GOLIM4: variants seen among roughly 807,000 people sequenced by gnomAD.
GOLIM4 encodes 130 kDa golgi-localized phosphoprotein.
GOLIM4 carries 71 observed loss-of-function variants against 107.4 expected under a neutral mutation model. That is an observed-to-expected ratio of 0.66 (90% CI 0.55 to 0.81). The LOEUF is 0.81. GOLIM4 is among the 30% of genes least tolerant of loss of function. The pLI, the probability that GOLIM4 is intolerant of heterozygous loss-of-function variation, is 0.00. For missense variants in GOLIM4, 830 were observed against 826.1 expected, an observed-to-expected ratio of 1.00 and a Z score of -0.06; for synonymous variants, 327 against 294.8, an observed-to-expected ratio of 1.11 and a Z score of -1.12.
At position 168,095,501 on chromosome 3, in the gene GOLIM4, A is replaced by C. The variant is rs1258231784; in HGVS notation, c.-216T>G. 5.8e-6 allele frequency: 3 copies of C among 515,170 alleles called. No individual in the cohort carries two copies. The highest frequency in any genetic ancestry group is 6.8e-6 in the Non-Finnish European group (2 of 294,156). 31.9% of individuals were successfully genotyped at this position (515,170 alleles called of 1,614,324 possible). On this transcript the variant is annotated 5_prime_UTR_variant, in exon 1 of 16. Transcript: ENST00000470487. ...CGACGCCGCCCGGGCAGCTGCAGCC[A>C]AACTTCTGCGAGGCTCGTTCTCCGC...
intron 1 of GOLIM4, among the ~76,000 whole-genome samples, chr3:168,065,882 TA>T (rs1720520528): frequency 6.6e-6 from 1 of 152,242 alleles, no homozygotes; most frequent in Non-Finnish European, 1.5e-5. Flanking sequence ...TCATAACTAA[TA>T]TTTCATCATT....
chr3:168,025,798 C>G (rs574823248), intron 12 of GOLIM4, among the ~76,000 whole-genome samples: 35 of 152,320 alleles, frequency 2.3e-4, no homozygotes, highest in African/African-American at 8.2e-4. Context: ...ACTCATCTCC[C>G]AAATTACTGT....
rs181468386 is a variant in GOLIM4 at position 168,067,876 on chromosome 3, T to C, written c.188-19511A>G. ...AAGAACAACAACCCTGTATTATCGA[T>C]ATGCAAAATATACCTGATATTTATT... is the stretch of plus-strand genomic sequence containing the variant. On this transcript the variant is annotated intron_variant, in intron 1 of 15. Coordinates refer to ENST00000470487, the MANE Select transcript of GOLIM4 (RefSeq NM_014498.5). Among the ~76,000 whole-genome samples, 608 of 152,030 alleles carry C rather than the reference T, an allele frequency of 4.0e-3. 5 individuals carry two copies. Among genetic ancestry groups the C allele is most frequent in the Non-Finnish European group, 3.3e-3 (226 of 67,972 alleles).
At chr3:168,071,721 G>A (rs1459134525) in intron 1 of GOLIM4, among the ~76,000 whole-genome samples, 1 of 151,572 alleles carries the variant, frequency 6.6e-6, no homozygotes, top group East Asian at 1.9e-4. Flanking sequence ...CACAAGGGTG[G>A]GTAACTTGAG....
intron 1 of GOLIM4, among the ~76,000 whole-genome samples, chr3:168,084,703 G>T (rs1192194546): frequency 6.6e-6 from 1 of 152,148 alleles, no homozygotes; most frequent in East Asian, 1.9e-4. Context: ...TTGAAATGGG[G>T]TGCTGTCATA....
chr3:168,021,285 T>G (rs1435327477), intron 14 of GOLIM4, among the ~76,000 whole-genome samples: 5 of 152,144 alleles, frequency 3.3e-5, no homozygotes, highest in African/African-American at 9.7e-5. Flanking sequence ...TCCAAAGAGA[T>G]AGATAGAATG....
chr3:168,086,331 T>C (rs775790180), intron 1 of GOLIM4, among the ~76,000 whole-genome samples: 1 of 152,172 alleles, frequency 6.6e-6, no homozygotes, highest in Non-Finnish European at 1.5e-5. Context: ...TTATAATATT[T>C]ATTTGACAGC....
At chr3:168,025,534 T>C (rs994018923) in intron 12 of GOLIM4, among the ~76,000 whole-genome samples, 1 of 152,160 alleles carries the variant, frequency 6.6e-6, no homozygotes, top group African/African-American at 2.4e-5. Flanking sequence ...ATTTTTAACA[T>C]GTCAGCAGGT....
At chr3:168,053,089 C>A (rs184502325) in intron 1 of GOLIM4, among the ~76,000 whole-genome samples, 54 of 152,264 alleles carry the variant, frequency 3.5e-4, no homozygotes, top group Non-Finnish European at 5.4e-4. Context: ...TCTATTCCCC[C>A]CAAAAGCACT....
At chr3:168,014,624 G>A (rs1717257762) in intron 14 of GOLIM4, among the ~76,000 whole-genome samples, 1 of 137,504 alleles carries the variant, frequency 7.3e-6, no homozygotes, top group African/African-American at 3.5e-5. Context: ...GATGAACATT[G>A]ATGCAAAAAT....
intron 1 of GOLIM4, among the ~76,000 whole-genome samples, chr3:168,078,091 C>T (rs1020219713): frequency 1.3e-5 from 2 of 151,962 alleles, no homozygotes; most frequent in African/African-American, 4.8e-5. Flanking sequence ...CTAGGTACAA[C>T]TTACTACTTT....
intron 1 of GOLIM4, among the ~76,000 whole-genome samples, chr3:168,054,891 A>G (rs536616611): frequency 6.6e-6 from 1 of 152,170 alleles, no homozygotes; most frequent in Non-Finnish European, 1.5e-5. Context: ...TTCTCATGAG[A>G]GTGAATAAGT....
In GOLIM4 at chr3:168,009,071, T is replaced by A. The variant is rs190622371; in HGVS notation, c.*1198A>T. The A allele has an allele frequency of 2.1e-4, 32 of 152,192 alleles. No homozygotes were observed. The highest frequency in any genetic ancestry group is 4.0e-4 in the Non-Finnish European group (27 of 67,976). The allele number at this position is 152,192 out of a possible 1,614,324, so 9.4% of individuals were successfully genotyped here. A position where few individuals can be genotyped will look rare whatever the true frequency, so the allele number is the denominator to read the frequency against. On this transcript the variant is annotated 3_prime_UTR_variant, in exon 16 of 16. Coordinates refer to ENST00000470487, the MANE Select transcript of GOLIM4 (RefSeq NM_014498.5). Reference sequence around the variant, plus strand: ...CACATATATGAATTATATAACCTAGTGTTATATATTTAAAAATCTTTATGC... The same window carrying A: ...CACATATATGAATTATATAACCTAGAGTTATATATTTAAAAATCTTTATGC...
chr3:168,046,102 G>A (rs1357533303), intron 3 of GOLIM4, among the ~76,000 whole-genome samples: 2 of 152,168 alleles, frequency 1.3e-5, no homozygotes, highest in South Asian at 2.1e-4. Flanking sequence ...CAAACTCCTG[G>A]CCTCAGGCAA....
At chr3:168,031,808 A>C (rs1718351991) in intron 9 of GOLIM4, among the ~76,000 whole-genome samples, 1 of 152,274 alleles carries the variant, frequency 6.6e-6, no homozygotes, top group South Asian at 2.1e-4. Context: ...TGTAAAGGCC[A>C]GGTAACCTAC....
intron 14 of GOLIM4, among the ~76,000 whole-genome samples, chr3:168,017,799 T>C (rs1053867201): frequency 2.6e-5 from 4 of 152,224 alleles, no homozygotes; most frequent in East Asian, 3.8e-4. Context: ...CTTTATGAAA[T>C]AGTCTATTGA....
chr3:168,051,265 C>T (rs1348891346), intron 1 of GOLIM4, among the ~76,000 whole-genome samples: 3 of 150,790 alleles, frequency 2.0e-5, no homozygotes, highest in Non-Finnish European at 4.4e-5. Context: ...TTATTCTCTT[C>T]CCTTGGATTC....
chr3:168,075,390 G>A (rs370251276), intron 1 of GOLIM4, among the ~76,000 whole-genome samples: 1,386 of 136,308 alleles, frequency 0.01, 21 homozygotes, highest in African/African-American at 0.034. Flanking sequence ...TCCGCCTCCC[G>A]GGTTCACGCC....
chr3:168,021,142 G>A (rs1460329440), intron 14 of GOLIM4, among the ~76,000 whole-genome samples: 1 of 152,188 alleles, frequency 6.6e-6, no homozygotes, highest in Non-Finnish European at 1.5e-5. Flanking sequence ...CAGGTCCACT[G>A]AGAAGAGTCT....
Sources: allele counts gnomAD v4.1 joint callset (sites outside exome capture counted in the v4.1 genomes callset), GRCh38; gene constraint gnomAD v4.1.1; transcripts MANE v1.5; gene names NCBI Gene and HGNC (gene_info 2026-07-23, HGNC 2026-07-21).